GPC5: variants seen among roughly 807,000 people sequenced by gnomAD.
The protein encoded by GPC5 is glypican 5.
GPC5 carries 47 observed loss-of-function variants against 53.9 expected under a neutral mutation model. That is an observed-to-expected ratio of 0.87 (90% CI 0.69 to 1.11). The LOEUF is 1.11. Among genes scored for constraint, GPC5 ranks in the 50% most tolerant of loss-of-function variants. GPC5 has a pLI of 0.00. For missense variants in GPC5, 748 were observed against 713.1 expected (o/e 1.05, Z -0.56); for synonymous variants, 286 against 263.3 (o/e 1.09, Z -0.84).
chr13:92,061,116 T>A (rs1345640775), intron 6 of GPC5, among the ~76,000 whole-genome samples: 1 of 152,040 alleles, frequency 6.6e-6, no homozygotes, highest in African/African-American at 2.4e-5. Flanking sequence ...CATAGCACTT[T>A]ATTGTTAATA....
intron 2 of GPC5, among the ~76,000 whole-genome samples, chr13:91,572,648 G>A (rs1003811022): frequency 7.9e-5 from 12 of 151,968 alleles, no homozygotes; most frequent in African/African-American, 2.9e-4. Context: ...AGGGCACCAA[G>A]CTATTCACGA....
chr13:92,662,505 C>T (rs544415336), intron 7 of GPC5, among the ~76,000 whole-genome samples: 1 of 152,214 alleles, frequency 6.6e-6, no homozygotes, highest in African/African-American at 2.4e-5. Flanking sequence ...TCAGTGTCCC[C>T]CTGTTGTCTT....
intron 7 of GPC5, among the ~76,000 whole-genome samples, chr13:92,616,538 G>A (rs566120772): frequency 1.3e-5 from 2 of 152,236 alleles, no homozygotes; most frequent in South Asian, 4.1e-4. Flanking sequence ...AATAAAATTA[G>A]CAAGGAAGTA....
intron 6 of GPC5, among the ~76,000 whole-genome samples, chr13:92,063,071 T>C (rs1471652884): frequency 1.3e-5 from 2 of 151,138 alleles, no homozygotes; most frequent in Admixed American, 6.6e-5. Flanking sequence ...GCAGGAGATA[T>C]ATTCTTGACT....
intron 7 of GPC5, among the ~76,000 whole-genome samples, chr13:92,186,711 C>T (rs2042186378): frequency 6.6e-6 from 1 of 152,104 alleles, no homozygotes; most frequent in African/African-American, 2.4e-5. Flanking sequence ...GTGACTTGCC[C>T]ACTTTGGCTT....
At chr13:92,728,857 G>C (rs889827156) in intron 7 of GPC5, among the ~76,000 whole-genome samples, 5 of 151,326 alleles carry the variant, frequency 3.3e-5, no homozygotes, top group African/African-American at 1.2e-4. Context: ...TTTTAAAGTT[G>C]CAGAAACTAG....
At chr13:92,833,585 T>A (rs899319275) in intron 7 of GPC5, among the ~76,000 whole-genome samples, 2 of 152,226 alleles carry the variant, frequency 1.3e-5, no homozygotes, top group African/African-American at 2.4e-5. Flanking sequence ...CTGTCCTTGT[T>A]CTATCTTAAA....
At chr13:92,434,673 T>C (rs1448493599) in intron 7 of GPC5, among the ~76,000 whole-genome samples, 1 of 152,118 alleles carries the variant, frequency 6.6e-6, no homozygotes, top group African/African-American at 2.4e-5. Context: ...CCCTTTGCAG[T>C]GTGATAAAAA....
At chr13:91,705,255 A>C (rs1594455078) in intron 3 of GPC5, among the ~76,000 whole-genome samples, 1 of 152,222 alleles carries the variant, frequency 6.6e-6, no homozygotes, top group African/African-American at 2.4e-5. Context: ...CGTGAATCAG[A>C]AAGGCTGGCT....
At chr13:91,552,599 C>A (rs147718265) in intron 2 of GPC5, among the ~76,000 whole-genome samples, 1 of 151,964 alleles carries the variant, frequency 6.6e-6, no homozygotes, top group Non-Finnish European at 1.5e-5. Flanking sequence ...AGGGATGGGC[C>A]GAATTAAAGG....
At chr13:92,384,838 T>C (rs1162489713) in intron 7 of GPC5, among the ~76,000 whole-genome samples, 1 of 152,140 alleles carries the variant, frequency 6.6e-6, no homozygotes, top group Admixed American at 6.6e-5. Flanking sequence ...ATGTCTCTGA[T>C]TGGATGGTGT....
chr13:92,864,739 C>A (rs924640682), intron 7 of GPC5, among the ~76,000 whole-genome samples: 12 of 151,978 alleles, frequency 7.9e-5, no homozygotes, highest in African/African-American at 2.9e-4. Context: ...GCAAAACAAG[C>A]ACCCAAACAA....
chr13:91,609,574 C>A (rs2033484026), intron 2 of GPC5, among the ~76,000 whole-genome samples: 1 of 152,122 alleles, frequency 6.6e-6, no homozygotes, highest in Non-Finnish European at 1.5e-5. Context: ...TCGAATGAAA[C>A]AGGATATTCA....
intron 5 of GPC5, among the ~76,000 whole-genome samples, chr13:91,782,835 G>A (rs1345823200): frequency 6.6e-6 from 1 of 150,584 alleles, no homozygotes; most frequent in Non-Finnish European, 1.5e-5. Flanking sequence ...CAGGGTTATG[G>A]GTTAAAATTA....
At chr13:92,022,436 G>A (rs1011380081) in intron 6 of GPC5, among the ~76,000 whole-genome samples, 6 of 152,084 alleles carry the variant, frequency 3.9e-5, no homozygotes, top group Non-Finnish European at 5.9e-5. Context: ...GCCTAAACAG[G>A]TGTTGGCTTC....
At position 91,581,290 on chromosome 13, in the gene GPC5, A is replaced by G. The variant is rs182223446; in HGVS notation, c.326-111897A>G. ...AAGTGTAGAGACTTTTAGAGAAAAT[A>G]AAAAGTAGATAGGAAAGTAGAGTGG... On this transcript the variant is annotated intron_variant, in intron 2 of 7. Transcript: ENST00000377067. Among the ~76,000 whole-genome samples the G allele has an allele frequency of 2.5e-3, 379 of 152,340 alleles. 3 individuals carry two copies. Among genetic ancestry groups the G allele is most frequent in the Middle Eastern group, 6.8e-3 (2 of 294 alleles).
At chr13:92,747,073 T>A (rs1476549240) in intron 7 of GPC5, among the ~76,000 whole-genome samples, 3 of 152,148 alleles carry the variant, frequency 2.0e-5, no homozygotes, top group Non-Finnish European at 4.4e-5. Flanking sequence ...AAGGTACAGT[T>A]ATACAATCTT....
chr13:91,854,328 T>A (rs2038944741), intron 5 of GPC5, among the ~76,000 whole-genome samples: 1 of 151,846 alleles, frequency 6.6e-6, no homozygotes, highest in Admixed American at 6.6e-5. Flanking sequence ...ATGAAATATG[T>A]AATAATCACA....
intron 7 of GPC5, among the ~76,000 whole-genome samples, chr13:92,282,195 G>GA (rs1177212336): frequency 1.3e-5 from 2 of 152,076 alleles, no homozygotes; most frequent in Non-Finnish European, 2.9e-5. Flanking sequence ...GAAGTTTAGA[G>GA]AAAAAAGAGT....
Sources: gnomAD v4.1 joint callset for allele counts (sites outside exome capture counted in the v4.1 genomes callset) on GRCh38, gnomAD v4.1.1 for gene constraint, MANE v1.5 for transcripts, NCBI Gene and HGNC (gene_info 2026-07-23, HGNC 2026-07-21) for gene names.